PES1: variants seen among roughly 807,000 people sequenced by gnomAD.
PES1 encodes pescadillo ribosomal biogenesis factor 1, also known as pescadillo homolog.
Under a neutral mutation model 77.1 loss-of-function variants are expected in PES1, and 31 were observed. The observed-to-expected ratio is 0.40, with a 90% CI of 0.30 to 0.54. PES1 has a LOEUF of 0.54. PES1 is among the 20% of genes least tolerant of loss of function. PES1 has a pLI of 0.45. For missense variants in PES1, 658 were observed against 771.7 expected (o/e 0.85, Z 1.75); for synonymous variants, 282 against 303.0 (o/e 0.93, Z 0.72).
chr22:30,598,216 G>C (rs934881934), intron 2 of PES1: 1 of 152,036 alleles, frequency 6.6e-6, no homozygotes, highest in Non-Finnish European at 1.5e-5. Context: ...AAGGTCTATG[G>C]CTTCACTGCT....
intron 3 of PES1, 99 bp downstream of exon 3, chr22:30,587,922 T>G (rs2087116411): frequency 8.3e-6 from 10 of 1,207,308 alleles, no homozygotes; most frequent in Non-Finnish European, 1.2e-5. Context: ...CTGTATAGGC[T>G]TACTCAGAGA....
intron 2 of PES1, among the ~76,000 whole-genome samples, chr22:30,600,878 T>C (rs1176659300): frequency 1.3e-5 from 2 of 152,208 alleles, no homozygotes; most frequent in East Asian, 1.9e-4. Flanking sequence ...TTGACATCTT[T>C]TATGCGATAA....
intron 2 of PES1, among the ~76,000 whole-genome samples, chr22:30,603,327 A>G (rs2087386883): frequency 6.6e-6 from 1 of 151,990 alleles, no homozygotes; most frequent in Admixed American, 6.6e-5. Context: ...TTATGATTTT[A>G]TCTTTGCTTT....
At chr22:30,579,063 T>C in intron 13 of PES1, 65 bp from the exon 14 acceptor site, 1 of 1,603,356 alleles carries the variant, frequency 6.2e-7, no homozygotes, top group East Asian at 2.2e-5. Context: ...CTCTGGCTCC[T>C]GACCTTCTAG....
intron 14 of PES1, among the ~76,000 whole-genome samples, chr22:30,578,382 C>G (rs1261978715): frequency 6.6e-6 from 1 of 152,196 alleles, no homozygotes; most frequent in Non-Finnish European, 1.5e-5. Flanking sequence ...ACAGGCTGCT[C>G]TATTCCAAGG....
Position 30,601,072 on chromosome 22 carries a change from G to T in PES1, c.-661+4389C>A, listed in dbSNP as rs181760736. On this transcript the variant is annotated intron_variant, in intron 2 of 16. Transcript: ENST00000402281. ...GCTCAAGTGTTCAAGTGAGCAAGGTGGAAGTTGCATTTTCTTTTCTGACCT... is the reference window on the plus strand; with the variant it reads ...GCTCAAGTGTTCAAGTGAGCAAGGTTGAAGTTGCATTTTCTTTTCTGACCT... Among the ~76,000 whole-genome samples the T allele has an allele frequency of 1.1e-3, 160 of 152,296 alleles. 1 individual carries two copies. The highest frequency in any genetic ancestry group is 3.7e-3 in the African/African-American group (152 of 41,558).
rs761032640 is a variant in PES1, at chr22:30,589,165, G to A, written c.104+26C>T. 4.4e-6 allele frequency: 7 copies of A among 1,584,454 alleles called. No individual in the cohort carries two copies. The Admixed American group carries it at 1.0e-4, about 23-fold the overall frequency. On this transcript the variant is annotated intron_variant, in intron 2 of 14. Coordinates refer to ENST00000354694, the MANE Select transcript of PES1 (RefSeq NM_014303.4). Reference sequence around the variant, plus strand: ...TTTCAATGTGCAATTCACTGCCCGGGCTTCCCACGGTCCCTCTATATTCAC... The same window carrying A: ...TTTCAATGTGCAATTCACTGCCCGGACTTCCCACGGTCCCTCTATATTCAC...
In PES1 at chr22:30,579,818, C is replaced by G; in HGVS notation, c.1287G>C (p.Glu429Asp). 1.2e-6 allele frequency: 2 copies of G among 1,614,072 alleles called. No individual in the cohort carries two copies. The highest frequency in any genetic ancestry group is 1.7e-5 in the Admixed American group (1 of 60,020). Residue 429 changes from glutamate (E) to aspartate (D), a missense_variant, in exon 12 of 15, where the codon GAG (glutamate) becomes GAC (aspartate). Coordinates refer to ENST00000354694, the MANE Select transcript of PES1 (RefSeq NM_014303.4). ...LPPHLSPFVT[E>D]KEGDYVPPEK... Reference sequence around the variant, plus strand: ...CAGGTGGAACGTAATCTCCTTCCTTCTCGGTCACAAAGGGTGAAAGGTGTG... The same window carrying G: ...CAGGTGGAACGTAATCTCCTTCCTTGTCGGTCACAAAGGGTGAAAGGTGTG...
intron 6 of PES1, among the ~76,000 whole-genome samples, chr22:30,583,847 A>G (rs1370996179): frequency 1.3e-5 from 2 of 152,258 alleles, no homozygotes; most frequent in African/African-American, 2.4e-5. Flanking sequence ...CTTCTCTCCC[A>G]GTCCCCGAGT....
At chr22:30,593,011 G>T (rs927478902), upstream of PES1, among the ~76,000 whole-genome samples, 2 of 150,302 alleles carry the variant, frequency 1.3e-5, no homozygotes, top group African/African-American at 2.5e-5. Context: ...TCCAAATTTC[G>T]TTCGAAGATG....
chr22:30,602,540 C>A (rs1393993847), intron 2 of PES1, among the ~76,000 whole-genome samples: 2 of 143,370 alleles, frequency 1.4e-5, no homozygotes, highest in East Asian at 2.0e-4. Flanking sequence ...CTTTTATTTT[C>A]TTTTCCTTTT....
At chr22:30,605,245 C>G (rs1336537524) in intron 2 of PES1, among the ~76,000 whole-genome samples, 2 of 152,196 alleles carry the variant, frequency 1.3e-5, no homozygotes, top group East Asian at 3.9e-4. Context: ...AAGCAATCCT[C>G]CTGCCTTGGC....
At chr22:30,606,620 A>C (rs2087448667) in intron 1 of PES1, 1 of 153,608 alleles carries the variant, frequency 6.5e-6, no homozygotes, top group African/African-American at 2.4e-5. Context: ...GGATTGGTTG[A>C]GAAAAGTGGC....
chr22:30,603,037 A>G (rs1342721376), intron 2 of PES1, among the ~76,000 whole-genome samples: 4 of 151,946 alleles, frequency 2.6e-5, no homozygotes. Context: ...CAGACTCCCA[A>G]GTAGCTGGGA....
At chr22:30,595,691 T>C (rs890840221), upstream of PES1, among the ~76,000 whole-genome samples, 2 of 152,142 alleles carry the variant, frequency 1.3e-5, no homozygotes, top group Non-Finnish European at 2.9e-5. Flanking sequence ...CCCAGTTCCC[T>C]GCATCCAGAC....
upstream of PES1, chr22:30,592,458 C>T (rs573968196): frequency 1.0e-6 from 1 of 955,512 alleles, no homozygotes; most frequent in East Asian, 1.2e-4. Flanking sequence ...CTAGAGGCCA[C>T]TTATATTTTC....
At chr22:30,581,785 C>T (rs762115547) in intron 6 of PES1, 141 bp from the exon 7 acceptor site, 1 of 655,502 alleles carries the variant, frequency 1.5e-6, no homozygotes, top group Non-Finnish European at 2.7e-6. Flanking sequence ...TAAGGCGCTG[C>T]CCTAGGGAAG....
chr22:30,590,671 T>G (rs1173669659), intron 1 of PES1, among the ~76,000 whole-genome samples: 1 of 152,108 alleles, frequency 6.6e-6, no homozygotes, highest in Admixed American at 6.5e-5. Context: ...GGGTATGTGC[T>G]GGGGGGAGGA....
chr22:30,585,268 G>A (rs1323327818), intron 4 of PES1: 1 of 471,414 alleles, frequency 2.1e-6, no homozygotes, highest in South Asian at 1.5e-5. Flanking sequence ...GAGACCCAGG[G>A]AATTGGGTCC....
Sources: gnomAD v4.1 joint callset for allele counts (sites outside exome capture counted in the v4.1 genomes callset) on GRCh38, gnomAD v4.1.1 for gene constraint, MANE v1.5 for transcripts, NCBI Gene and HGNC (gene_info 2026-07-23, HGNC 2026-07-21) for gene names.